The following ZFHX3 variants were observed in gnomAD, a reference collection of about 807,000 sequenced individuals.
ZFHX3 encodes zinc finger homeobox 3, also known as zinc finger homeobox protein 3.
In ZFHX3, 42 loss-of-function variants were observed where a neutral mutation model predicts 279.1. That is an observed-to-expected ratio of 0.15 (90% confidence interval 0.12 to 0.19). The LOEUF is 0.19. ZFHX3 is among the 10% of genes least tolerant of loss of function. The pLI, the probability that ZFHX3 is intolerant of heterozygous loss-of-function variation, is 1.00. For missense variants in ZFHX3, 4,981 were observed against 4,754.0 expected, an observed-to-expected ratio of 1.05 and a Z score of -1.40; for synonymous variants, 2,293 against 1,957.8, an observed-to-expected ratio of 1.17 and a Z score of -4.52.
chr16:73,499,864 C>T (rs2143662469), intron 2 of ZFHX3: 1 of 152,302 alleles, frequency 6.6e-6, no homozygotes, highest in South Asian at 2.1e-4. Flanking sequence ...TTTCCTATGG[C>T]CCAGTCACAT....
chr16:73,847,415 A>G (rs1961477031), intron 1 of ZFHX3, among the ~76,000 whole-genome samples: 1 of 152,180 alleles, frequency 6.6e-6, no homozygotes, highest in East Asian at 1.9e-4. Flanking sequence ...ATGCATTCCC[A>G]TGAGAGGCTT....
At chr16:72,884,526 T>C (rs2038574432) in intron 4 of ZFHX3, among the ~76,000 whole-genome samples, 1 of 152,206 alleles carries the variant, frequency 6.6e-6, no homozygotes, top group South Asian at 2.1e-4. Flanking sequence ...TAATAGGTCG[T>C]CAATAAAGAA....
chr16:73,245,293 A>G (rs1487253987), intron 5 of ZFHX3, among the ~76,000 whole-genome samples: 1 of 152,054 alleles, frequency 6.6e-6, no homozygotes, highest in African/African-American at 2.4e-5. Context: ...TTTGTTTAAT[A>G]CAGTCTCGCT....
At chr16:72,932,977 C>T (rs940854029) in intron 3 of ZFHX3, among the ~76,000 whole-genome samples, 1 of 152,194 alleles carries the variant, frequency 6.6e-6, no homozygotes, top group Non-Finnish European at 1.5e-5. Context: ...ACCCAGGCAG[C>T]CTGACACCAG....
intron 1 of ZFHX3, among the ~76,000 whole-genome samples, chr16:73,035,640 C>T (rs974301624): frequency 7.9e-5 from 12 of 152,242 alleles, no homozygotes; most frequent in Admixed American, 6.5e-5. Context: ...AATCCTAGCA[C>T]TTTGGGAGGC....
At chr16:73,263,849 A>G (rs1475063571) in intron 4 of ZFHX3, among the ~76,000 whole-genome samples, 1 of 152,208 alleles carries the variant, frequency 6.6e-6, no homozygotes, top group African/African-American at 2.4e-5. Flanking sequence ...GCTAAGCAAC[A>G]GGGAAAGAAC....
chr16:73,457,776 A>AAAAAT (rs576060574), intron 2 of ZFHX3, among the ~76,000 whole-genome samples: 4,353 of 152,174 alleles, frequency 0.029, 213 homozygotes, highest in African/African-American at 0.1. Flanking sequence ...CTCCGTCTCA[A>AAAAAT]AAAATAAAAT....
At chr16:73,112,890 G>T (rs78262228) in intron 7 of ZFHX3, among the ~76,000 whole-genome samples, 5,577 of 152,064 alleles carry the variant, frequency 0.037, 135 homozygotes, top group Non-Finnish European at 0.054. Context: ...GTGAGCGGCT[G>T]CACAGCCCCA....
chr16:73,662,778 C>A (rs542535990), intron 2 of ZFHX3, among the ~76,000 whole-genome samples: 1 of 152,260 alleles, frequency 6.6e-6, no homozygotes, highest in African/African-American at 2.4e-5. Context: ...CATTTTATCA[C>A]AATTTTATAG....
intron 4 of ZFHX3, among the ~76,000 whole-genome samples, chr16:72,836,588 T>C (rs2143759867): frequency 6.6e-6 from 1 of 152,248 alleles, no homozygotes; most frequent in East Asian, 1.9e-4. Context: ...CATGTTCTCA[T>C]GTATGTACAC....
rs200271338 is a variant in ZFHX3 at position 73,450,804 on chromosome 16, T to G, written c.-1291+5199A>C. 2.1e-4 allele frequency among the ~76,000 whole-genome samples: 32 copies of G among 152,334 alleles called. No homozygotes were observed. The East Asian group carries it at 6.0e-3, about 29-fold the overall frequency. ...AAATTGGAAATCCCTTCCCTCATCT[T>G]TCTTACAGGGGGAGTCTTTTTCTCC... On this transcript the variant is annotated intron_variant, in intron 3 of 17. Coordinates refer to the ZFHX3 transcript ENST00000641206.
At chr16:73,669,682 CT>C (rs1348743177) in intron 2 of ZFHX3, among the ~76,000 whole-genome samples, 2 of 152,206 alleles carry the variant, frequency 1.3e-5, no homozygotes, top group East Asian at 3.9e-4. Context: ...GCTTTGCCTG[CT>C]TTTTCTTTTC....
At chr16:73,804,675 T>C (rs1271696588) in intron 1 of ZFHX3, among the ~76,000 whole-genome samples, 1 of 152,110 alleles carries the variant, frequency 6.6e-6, no homozygotes, top group African/African-American at 2.4e-5. Flanking sequence ...TTGAAAAATA[T>C]GTGGATCTTG....
At chr16:73,468,846 T>C (rs548533236) in intron 2 of ZFHX3, among the ~76,000 whole-genome samples, 2 of 152,370 alleles carry the variant, frequency 1.3e-5, no homozygotes, top group African/African-American at 4.8e-5. Flanking sequence ...CACAGTTTTC[T>C]ACATTATCTT....
chr16:73,356,002 C>A (rs1168879363), intron 3 of ZFHX3, among the ~76,000 whole-genome samples: 1 of 152,176 alleles, frequency 6.6e-6, no homozygotes, highest in Non-Finnish European at 1.5e-5. Context: ...CTCCAGCAAC[C>A]TTTCCACTGT....
chr16:73,196,744 T>A (rs1968157525), intron 5 of ZFHX3, among the ~76,000 whole-genome samples: 1 of 152,188 alleles, frequency 6.6e-6, no homozygotes, highest in African/African-American at 2.4e-5. Context: ...CCCATACGTG[T>A]AGGTGGCACT....
At chr16:73,365,561 A>T (rs1176112817) in intron 3 of ZFHX3, among the ~76,000 whole-genome samples, 1 of 152,190 alleles carries the variant, frequency 6.6e-6, no homozygotes, top group African/African-American at 2.4e-5. Context: ...AGAGTTAGTA[A>T]ATGGTGCAGC....
chr16:73,139,978 T>C (rs1461540831), intron 6 of ZFHX3, among the ~76,000 whole-genome samples: 1 of 152,126 alleles, frequency 6.6e-6, no homozygotes, highest in Non-Finnish European at 1.5e-5. Flanking sequence ...CTTTCAGAAG[T>C]GAGATGGAGC....
chr16:73,517,287 C>T (rs1294061874), intron 2 of ZFHX3, among the ~76,000 whole-genome samples: 1 of 152,228 alleles, frequency 6.6e-6, no homozygotes, highest in Admixed American at 6.5e-5. Context: ...ACCTCTATGG[C>T]TCACTCATTT....
Sources: gnomAD v4.1 joint callset for allele counts (sites outside exome capture counted in the v4.1 genomes callset) on GRCh38, gnomAD v4.1.1 for gene constraint, MANE v1.5 for transcripts, NCBI Gene and HGNC (gene_info 2026-07-23, HGNC 2026-07-21) for gene names.